SPINK5: variants seen among roughly 807,000 people sequenced by gnomAD.
The protein encoded by SPINK5 is serine peptidase inhibitor Kazal type 5.
SPINK5 carries 125 observed loss-of-function variants against 151.8 expected under a neutral mutation model. The ratio of observed to expected loss-of-function variants is 0.82; its 90% confidence interval spans 0.71 to 0.96. The LOEUF (loss-of-function observed/expected upper bound fraction) is 0.96. SPINK5 is among the 40% of genes least tolerant of loss of function. The pLI is 0.00. For missense variants in SPINK5, 1,194 were observed against 1,291.9 expected, an observed-to-expected ratio of 0.92 and a Z score of 1.16; for synonymous variants, 374 against 395.3, an observed-to-expected ratio of 0.95 and a Z score of 0.64.
chr5:148,136,912 A>G (rs1312075973), intron 32 of SPINK5, 71 bp from the exon 33 acceptor site: 8 of 1,570,822 alleles, frequency 5.1e-6, no homozygotes, highest in Non-Finnish European at 6.1e-6. Flanking sequence ...AGATGCAGCT[A>G]TAAATATACA....
chr5:148,087,647 T>C (rs1338741727), intron 5 of SPINK5, among the ~76,000 whole-genome samples: 2 of 151,960 alleles, frequency 1.3e-5, no homozygotes, highest in East Asian at 3.9e-4. Flanking sequence ...ATGAGCATGC[T>C]ATATATTTAA....
Position 148,111,876 on chromosome 5 carries a change from T to G in SPINK5, c.1801T>G (p.Ser601Ala). 6.2e-7 allele frequency: 1 copy of G among 1,613,994 alleles called. No homozygotes were observed. Among genetic ancestry groups the G allele is most frequent in the Non-Finnish European group, 8.5e-7 (1 of 1,179,900 alleles). ...TGGGAAAATCCACGGCAACACCTGC[T>G]CCATGTGTGAAGCCTTCTTGTGAGT... ...LDGKIHGNTC[S>A]MCEAFFQQEA... Residue 601 changes from serine (S) to alanine (A), a missense_variant, in exon 19 of 33, where the codon TCC becomes GCC. Transcript: ENST00000256084.
At position 148,114,495 on chromosome 5, in the gene SPINK5, T is replaced by G; in HGVS notation, c.2015+6T>G. ...GCCATGTGTAAGGCAGTCTTGTGAGTGCACAAAGAAAACCACTACTGTGGG... is the reference window on the plus strand; with the variant it reads ...GCCATGTGTAAGGCAGTCTTGTGAGGGCACAAAGAAAACCACTACTGTGGG... On this transcript the variant is annotated splice_donor_region_variant and intron_variant, in intron 21 of 32. Transcript: ENST00000256084. The G allele has an allele frequency of 5.6e-6, 9 of 1,613,086 alleles. No individual in the cohort carries two copies. Among genetic ancestry groups the G allele is most frequent in the Non-Finnish European group, 7.6e-6 (9 of 1,179,420 alleles).
chr5:148,091,046 G>T, intron 7 of SPINK5, 119 bp from the exon 8 acceptor site: 1 of 863,118 alleles, frequency 1.2e-6, no homozygotes, highest in Non-Finnish European at 1.9e-6. Context: ...CTTGTCTCTT[G>T]TAAGAGGATC....
At chr5:148,130,496 GC>G (rs1269439217) in intron 30 of SPINK5, among the ~76,000 whole-genome samples, 10 of 151,410 alleles carry the variant, frequency 6.6e-5, no homozygotes, top group African/African-American at 2.4e-4. Context: ...TTATATTTTG[GC>G]TCTACTTTTT....
chr5:148,099,668 T>A (rs1753582678), intron 12 of SPINK5, among the ~76,000 whole-genome samples: 1 of 152,076 alleles, frequency 6.6e-6, no homozygotes, highest in Admixed American at 6.6e-5. Flanking sequence ...AGATAAAAAA[T>A]ACCTTGATTC....
intron 22 of SPINK5, 60 bp from the exon 23 acceptor site, chr5:148,118,377 T>A (rs1754155525): frequency 1.2e-6 from 2 of 1,610,186 alleles, no homozygotes; most frequent in African/African-American, 2.7e-5. Context: ...GTTAAAACAA[T>A]TTACTAAGAA....
rs35661442 is a variant in SPINK5, at chr5:148,099,487, A to G, written c.1092+172A>G. On this transcript the variant is annotated intron_variant, in intron 12 of 32. Transcript: ENST00000256084. ...GAAGATTGATCCATTCTTGCTGATTAAAAACTAACTCTGCAAAAAAAAAAA... is the reference window on the plus strand; with the variant it reads ...GAAGATTGATCCATTCTTGCTGATTGAAAACTAACTCTGCAAAAAAAAAAA... Among the ~76,000 whole-genome samples, 67,490 of 144,234 alleles carry G rather than the reference A, an allele frequency of 0.47. 16,456 individuals are homozygous for G. The highest frequency in any genetic ancestry group is 0.59 in the Admixed American group (8,808 of 14,850). 94.6% of individuals were successfully genotyped at this position (144,234 alleles called of 152,430 possible).
At chr5:148,088,411 A>G in intron 5 of SPINK5, 131 bp from the exon 6 acceptor site, 1 of 751,420 alleles carries the variant, frequency 1.3e-6, no homozygotes, top group Non-Finnish European at 2.3e-6. Context: ...AGAAAAAGTA[A>G]TAAAATAATA....
intron 4 of SPINK5, among the ~76,000 whole-genome samples, chr5:148,079,558 A>G (rs1195709100): frequency 6.6e-6 from 1 of 151,232 alleles, no homozygotes; most frequent in East Asian, 1.9e-4. Flanking sequence ...ATAAATCATT[A>G]CCAAATAAGA....
chr5:148,086,516 C>T lies in SPINK5; in HGVS notation c.394C>T (p.Leu132=), dbSNP rs368159711. The T allele has an allele frequency of 3.5e-5, 57 of 1,611,408 alleles. No individual in the cohort carries two copies. In the African/African-American group the frequency reaches 7.4e-4, roughly 21 times the overall value. Residue 132 remains leucine, a synonymous_variant, in exon 5 of 33, where the codon CTG becomes TTG. Coordinates refer to ENST00000256084, the MANE Select transcript of SPINK5 (RefSeq NM_006846.4). The part of the protein sequence containing the change: ...DGKTYDNRCA[L]CAENAKTGSQ... Reference sequence around the variant, plus strand: ...GAAAACATATGACAACAGATGTGCACTGTGTGCTGAGAATGCGTGAGTATT... The same window carrying T: ...GAAAACATATGACAACAGATGTGCATTGTGTGCTGAGAATGCGTGAGTATT...
intron 16 of SPINK5, 72 bp downstream of exon 16, chr5:148,105,072 T>C: frequency 6.8e-7 from 1 of 1,481,106 alleles, no homozygotes. Flanking sequence ...ACTTATCCTA[T>C]TAGAATAAAT....
intron 5 of SPINK5, 43 bp downstream of exon 5, chr5:148,086,575 T>G: frequency 6.2e-7 from 1 of 1,602,404 alleles, no homozygotes; most frequent in South Asian, 1.1e-5. Context: ...AAACGTGTTC[T>G]CTCTATAATT....
intron 24 of SPINK5, 38 bp downstream of exon 24, chr5:148,119,096 C>T: frequency 6.3e-7 from 1 of 1,588,700 alleles, no homozygotes; most frequent in Non-Finnish European, 8.6e-7. Flanking sequence ...AATCGTCTTT[C>T]TGTGAGTCAG....
At chr5:148,110,729 GT>G (rs1376938880) in intron 18 of SPINK5, among the ~76,000 whole-genome samples, 2 of 151,926 alleles carry the variant, frequency 1.3e-5, no homozygotes, top group Non-Finnish European at 2.9e-5. Flanking sequence ...ACCGGGGCCT[GT>G]TTGGGGACTG....
chr5:148,098,591 G>A (rs1753540770), intron 11 of SPINK5, among the ~76,000 whole-genome samples: 1 of 151,726 alleles, frequency 6.6e-6, no homozygotes, highest in Admixed American at 6.6e-5. Context: ...TCAGTTAACT[G>A]TACATACTGT....
At position 148,126,974 on chromosome 5, in the gene SPINK5, C is replaced by G. The variant is rs747624479; in HGVS notation, c.2868-9C>G. 1 of 1,598,730 alleles carries G rather than the reference C, an allele frequency of 6.3e-7. No individual in the cohort carries two copies. The highest frequency in any genetic ancestry group is 2.2e-5 in the East Asian group (1 of 44,736). ...CTTATTTTAAATTATTTTTTATTTT[C>G]TTCTCTAGTCTAACAGAAGCTTTGG... On this transcript the variant is annotated splice_polypyrimidine_tract_variant and intron_variant, in intron 29 of 32. Coordinates refer to ENST00000256084, the MANE Select transcript of SPINK5 (RefSeq NM_006846.4).
At chr5:148,111,994 TA>T in intron 19 of SPINK5, 99 bp downstream of exon 19, 1 of 1,562,240 alleles carries the variant, frequency 6.4e-7, no homozygotes, top group Non-Finnish European at 8.8e-7. Flanking sequence ...AGGAGATAGA[TA>T]ATAAAGGCTG....
At chr5:148,127,206 T>C (rs895779637) in intron 30 of SPINK5, 127 bp downstream of exon 30, 1 of 738,598 alleles carries the variant, frequency 1.4e-6, no homozygotes, top group Non-Finnish European at 2.3e-6. Flanking sequence ...CTGAAGTCCT[T>C]TGAGGACTAT....
Sources: allele counts gnomAD v4.1 joint callset (sites outside exome capture counted in the v4.1 genomes callset), GRCh38; gene constraint gnomAD v4.1.1; transcripts MANE v1.5; gene names NCBI Gene and HGNC (gene_info 2026-07-23, HGNC 2026-07-21).